ZNF490: variants seen among roughly 807,000 people sequenced by gnomAD.
ZNF490 encodes the protein zinc finger protein 490.
In ZNF490, 11 loss-of-function variants were observed where a neutral mutation model predicts 17.7. The ratio of observed to expected loss-of-function variants is 0.62; its 90% CI spans 0.39 to 1.03. ZNF490 has a LOEUF of 1.03. Ranked by LOEUF, ZNF490 falls within the 50% of genes least tolerant of loss-of-function variation. ZNF490 has a pLI of 0.00. For synonymous variants in ZNF490, 222 were observed against 216.1 expected (o/e 1.03, Z -0.24); for missense variants, 542 against 643.4 (o/e 0.84, Z 1.71).
At chr19:12,591,821 GCAGA>G (rs1205608268) in intron 2 of ZNF490, among the ~76,000 whole-genome samples, 5 of 147,602 alleles carry the variant, frequency 3.4e-5, no homozygotes, top group Non-Finnish European at 5.9e-5. Context: ...ACTTTGAAAG[GCAGA>G]CAGTTACAAA....
At chr19:12,594,240 C>G (rs1455237780) in intron 2 of ZNF490, among the ~76,000 whole-genome samples, 1 of 151,922 alleles carries the variant, frequency 6.6e-6, no homozygotes, top group African/African-American at 2.4e-5. Context: ...CCATGGCAGG[C>G]AGATCACTGG....
chr19:12,588,979 T>C (rs1487712542), intron 2 of ZNF490, among the ~76,000 whole-genome samples: 1 of 152,156 alleles, frequency 6.6e-6, no homozygotes, highest in East Asian at 1.9e-4. Context: ...TGAACACATA[T>C]ACCACCAAAG....
chr19:12,599,176 G>GA (rs913526395), intron 2 of ZNF490, among the ~76,000 whole-genome samples: 8 of 119,914 alleles, frequency 6.7e-5, no homozygotes, highest in South Asian at 5.5e-4. Flanking sequence ...AGAAAGAAAA[G>GA]AAAAAAAAAG....
intron 2 of ZNF490, among the ~76,000 whole-genome samples, chr19:12,608,812 A>G (rs962631017): frequency 6.6e-5 from 10 of 151,904 alleles, no homozygotes; most frequent in African/African-American, 1.2e-4. Flanking sequence ...GTCTCACTAC[A>G]TTGCCCACAC....
At chr19:12,607,886 C>T (rs553735718) in intron 2 of ZNF490, among the ~76,000 whole-genome samples, 4 of 152,278 alleles carry the variant, frequency 2.6e-5, no homozygotes, top group Non-Finnish European at 2.9e-5. Context: ...AAAATACCAG[C>T]ATGCTGAACT....
chr19:12,599,019 C>T (rs1413088900), intron 2 of ZNF490, among the ~76,000 whole-genome samples: 3 of 136,000 alleles, frequency 2.2e-5, no homozygotes, highest in African/African-American at 8.4e-5. Flanking sequence ...GGTGTGGTGG[C>T]GGGGTGCCTG....
intron 2 of ZNF490, among the ~76,000 whole-genome samples, chr19:12,601,195 TG>T: frequency 6.6e-6 from 1 of 151,456 alleles, no homozygotes; most frequent in East Asian, 1.9e-4. Context: ...GAGACCATCC[TG>T]GCTAACACGG....
rs1257398178 is a variant in ZNF490, at chr19:12,580,490, G to A, written c.1585C>T (p.Pro529Ser). 6.3e-7 allele frequency: 1 copy of A among 1,583,244 alleles called. No individual in the cohort carries two copies. The highest frequency in any genetic ancestry group is 8.6e-7 in the Non-Finnish European group (1 of 1,165,372). Residue 529 changes from proline (P) to serine (S), a missense_variant, in exon 5 of 5, where the codon CCC becomes TCC. By Grantham distance (74) the Pro-to-Ser change is moderately conservative. Coordinates refer to ENST00000311437, the MANE Select transcript of ZNF490 (RefSeq NM_020714.3). The stretch of plus-strand genomic sequence containing the variant: ...CATTACCACACTTTACTTTCTTAGG[G>A]CTTCTGTCTACTATGAGTCCTTTCG... ...VHERTHSRQK[P>S]
chr19:12,609,123 A>C (rs2023109925), intron 2 of ZNF490, 35 bp downstream of exon 2: 2 of 1,610,902 alleles, frequency 1.2e-6, no homozygotes, highest in Non-Finnish European at 1.7e-6. Context: ...TAAACAAGGA[A>C]GGTAGCCACG....
chr19:12,597,051 C>T lies in ZNF490; in HGVS notation c.162+12107G>A, dbSNP rs993959966. 4.2e-5 allele frequency: 19 copies of T among 452,964 alleles called. No individual in the cohort carries two copies. In the Admixed American group the frequency reaches 4.5e-4, roughly 11 times the overall value. The allele number at this position is 452,964 out of a possible 1,614,324, so 28.1% of individuals were successfully genotyped here. ...GCCCAGCCCCACGCTGCTGGGAGAC[C>T]CTCGGGTCAGCTGCGCCAGGGGGAC... On this transcript the variant is annotated intron_variant, in intron 2 of 4. Coordinates refer to ENST00000311437, the MANE Select transcript of ZNF490 (RefSeq NM_020714.3).
intron 2 of ZNF490, among the ~76,000 whole-genome samples, chr19:12,598,789 C>T (rs2022965755): frequency 6.6e-6 from 1 of 151,398 alleles, no homozygotes; most frequent in Non-Finnish European, 1.5e-5. Flanking sequence ...GAGTTCGAGA[C>T]CAGCCTGGCC....
Position 12,578,372 on chromosome 19 carries a change from C to A in ZNF490, c.*2113G>T, listed in dbSNP as rs1387453362. On this transcript the variant is annotated 3_prime_UTR_variant, in exon 5 of 5. Transcript: ENST00000311437. ...GTGGTGGTTGGTGCAGGGCTGGTAA[C>A]CGCAGGAGAGTGGATGCTGTGTGGT... The A allele has an allele frequency of 2.9e-5, 29 of 985,494 alleles. No individual in the cohort carries two copies. The highest frequency in any genetic ancestry group is 3.5e-5 in the Non-Finnish European group (29 of 830,078). The allele number at this position is 985,494 out of a possible 1,614,324, so 61.0% of individuals were successfully genotyped here. A position where few individuals can be genotyped will look rare whatever the true frequency, so the allele number is the denominator to read the frequency against.
At chr19:12,605,686 T>C (rs764076175) in intron 2 of ZNF490, among the ~76,000 whole-genome samples, 12 of 152,224 alleles carry the variant, frequency 7.9e-5, no homozygotes, top group Non-Finnish European at 4.4e-5. Flanking sequence ...TGTGAGCCGT[T>C]AGCTTTTGGT....
chr19:12,597,992 G>A (rs962941428), intron 2 of ZNF490, among the ~76,000 whole-genome samples: 4 of 152,170 alleles, frequency 2.6e-5, no homozygotes, highest in Non-Finnish European at 5.9e-5. Context: ...TTGGGAGGCC[G>A]AGGCGGGCGG....
Position 12,581,292 on chromosome 19 carries a change from A to G in ZNF490, c.783T>C (p.Tyr261=). Residue 261 remains tyrosine (Y), a synonymous_variant, in exon 5 of 5, where the codon TAT becomes TAC. Coordinates refer to ENST00000311437, the MANE Select transcript of ZNF490 (RefSeq NM_020714.3). ...TTTCATGGCGCCGAAGAGCAGTGAG[A>G]TATCTGAATGCCTTCCCACATTCCT... is the stretch of plus-strand genomic sequence containing the variant. ...ECKECGKAFR[Y]LTALRRHEKN... The G allele has an allele frequency of 1.9e-6, 3 of 1,613,986 alleles. No homozygotes were observed. The highest frequency in any genetic ancestry group is 1.3e-5 in the African/African-American group (1 of 74,964).
In ZNF490 at chr19:12,594,322, T is replaced by C. The variant is rs2022907443; in HGVS notation, c.163-10766A>G. Among the ~76,000 whole-genome samples the C allele has an allele frequency of 2.0e-5, 3 of 152,042 alleles. No individual in the cohort carries two copies. In the South Asian group the frequency reaches 6.2e-4, roughly 32 times the overall value. On this transcript the variant is annotated intron_variant, in intron 2 of 4. Coordinates refer to ENST00000311437, the MANE Select transcript of ZNF490 (RefSeq NM_020714.3). ...CTCTACTAAAAATACAAAAATTAAC[T>C]GGGTGTGGTGGTGCACACCTGTAAT...
At position 12,610,594 on chromosome 19, in the gene ZNF490, G is replaced by A; in HGVS notation, c.87C>T (p.Arg29=). 6.2e-7 allele frequency: 1 copy of A among 1,613,962 alleles called. No individual in the cohort carries two copies. Among genetic ancestry groups the A allele is most frequent in the Non-Finnish European group, 8.5e-7 (1 of 1,179,996 alleles). ...VQSKWSSSQG[R]TGTGGSDVLQ... is the part of the protein sequence containing the mutation. Reference sequence around the variant, plus strand: ...GGACATCAGACCCTCCTGTTCCTGTGCGGCCTTGACTAGACGACCACTTGC... The same window carrying A: ...GGACATCAGACCCTCCTGTTCCTGTACGGCCTTGACTAGACGACCACTTGC... Residue 29 remains arginine, a synonymous_variant, in exon 1 of 5, where the codon CGC becomes CGT. Coordinates refer to ENST00000311437, the MANE Select transcript of ZNF490 (RefSeq NM_020714.3).
At position 12,587,140 on chromosome 19, in the gene ZNF490, T is replaced by G. The variant is rs184034332; in HGVS notation, c.163-3584A>C. Among the ~76,000 whole-genome samples the G allele has an allele frequency of 7.1e-3, 623 of 87,706 alleles. 213 individuals carry two copies. Among genetic ancestry groups the G allele is most frequent in the Non-Finnish European group, 0.015 (486 of 33,216 alleles). 57.5% of individuals were successfully genotyped at this position (87,706 alleles called of 152,430 possible). A position where few individuals can be genotyped will look rare whatever the true frequency, so the allele number is the denominator to read the frequency against. The stretch of plus-strand genomic sequence containing the variant: ...AAGAAATTCGCTTTTTTTTTTTTTT[T>G]TACTTTGTTTTTTAGAGACAGGGCC... On this transcript the variant is annotated intron_variant, in intron 2 of 4. Coordinates refer to ENST00000311437, the MANE Select transcript of ZNF490 (RefSeq NM_020714.3).
chr19:12,579,509 G>C lies in ZNF490; in HGVS notation c.*976C>G, dbSNP rs550658437. On this transcript the variant is annotated 3_prime_UTR_variant, in exon 5 of 5. Coordinates refer to ENST00000311437, the MANE Select transcript of ZNF490 (RefSeq NM_020714.3). ...GTTGCGCCACTTTCACTCCAGCCTA[G>C]GCAACAGAGTAAGACTCCAGCTCAA... The C allele has an allele frequency of 6.6e-4, 96 of 145,634 alleles. No homozygotes were observed. The highest frequency in any genetic ancestry group is 2.4e-3 in the African/African-American group (93 of 39,050). 9.0% of individuals were successfully genotyped at this position (145,634 alleles called of 1,614,324 possible). A position where few individuals can be genotyped will look rare whatever the true frequency, so the allele number is the denominator to read the frequency against.
Sources: allele counts gnomAD v4.1 joint callset (sites outside exome capture counted in the v4.1 genomes callset), GRCh38; gene constraint gnomAD v4.1.1; transcripts MANE v1.5; gene names NCBI Gene and HGNC (gene_info 2026-07-23, HGNC 2026-07-21).